Variants in FN1 observed in about 807,000 individuals in gnomAD.
FN1 encodes the protein fibronectin 1.
A neutral mutation model predicts 297.3 loss-of-function variants in FN1; 106 were observed. The observed-to-expected ratio is 0.36, with a 90% confidence interval of 0.30 to 0.42. The LOEUF is 0.42. Ranked by LOEUF, FN1 falls within the 10% of genes least tolerant of loss-of-function variation. FN1 has a pLI of 1.00. For synonymous variants in FN1, 1,149 were observed against 1,152.6 expected (o/e 1.00, Z 0.06); for missense variants, 2,690 against 3,124.9 (o/e 0.86, Z 3.32).
chr2:215,370,541 AAAAAAC>A (rs1418329485), intron 40 of FN1, 109 bp from the exon 41 acceptor site: 1 of 462,068 alleles, frequency 2.2e-6, no homozygotes, highest in South Asian at 3.7e-5. Context: ...AAAGGAAGAC[AAAAAAC>A]AAAAAACAAA....
intron 13 of FN1, 37 bp from the exon 14 acceptor site, chr2:215,410,151 A>AC: frequency 7.2e-6 from 10 of 1,395,622 alleles, no homozygotes; most frequent in Non-Finnish European, 9.7e-6. Flanking sequence ...ACACACACAC[A>AC]CGTGTTTACA....
At chr2:215,366,777 C>T (rs1236346639) in intron 42 of FN1, among the ~76,000 whole-genome samples, 6 of 152,214 alleles carry the variant, frequency 3.9e-5, no homozygotes, top group African/African-American at 9.6e-5. Flanking sequence ...GACATCCCCG[C>T]TCCCACAATT....
chr2:215,392,039 T>TA, intron 25 of FN1: 1 of 530,194 alleles, frequency 1.9e-6, no homozygotes, highest in Non-Finnish European at 3.4e-6. Flanking sequence ...CCATCATTGA[T>TA]ATATTTAAAA....
At position 215,426,477 on chromosome 2, in the gene FN1, T is replaced by C. The variant is rs189775727; in HGVS notation, c.845-1192A>G. On this transcript the variant is annotated intron_variant, in intron 6 of 45. Coordinates refer to ENST00000354785, the MANE Select transcript of FN1 (RefSeq NM_212482.4). ...TTTTCTTTCAACTTTTAGATATCTGTTCTCTTGAAGGCCAGGGCCCACCGC... is the reference window on the plus strand; with the variant it reads ...TTTTCTTTCAACTTTTAGATATCTGCTCTCTTGAAGGCCAGGGCCCACCGC... Among the ~76,000 whole-genome samples the C allele has an allele frequency of 6.6e-5, 10 of 152,124 alleles. No homozygotes were observed. In the East Asian group the frequency reaches 1.9e-3, roughly 29 times the overall value.
At chr2:215,388,450 A>C in intron 26 of FN1, 149 bp from the exon 27 acceptor site, 3 of 703,206 alleles carry the variant, frequency 4.3e-6, no homozygotes, top group Non-Finnish European at 7.7e-6. Flanking sequence ...CGAAGTGTTC[A>C]GTGAACAGAC....
intron 42 of FN1, among the ~76,000 whole-genome samples, chr2:215,365,963 G>A (rs1051866736): frequency 1.6e-5 from 2 of 121,450 alleles, no homozygotes; most frequent in African/African-American, 3.1e-5. Context: ...TCCCCACAGT[G>A]CTATTTTTTT....
intron 2 of FN1, 78 bp downstream of exon 2, chr2:215,434,618 T>A (rs1280323646): frequency 1.3e-6 from 2 of 1,534,888 alleles, no homozygotes; most frequent in African/African-American, 2.7e-5. Flanking sequence ...GTATGTATTT[T>A]TACTTACTAA....
chr2:215,421,988 A>G (rs2064474199), intron 10 of FN1, 103 bp downstream of exon 10: 5 of 1,116,116 alleles, frequency 4.5e-6, no homozygotes, highest in East Asian at 4.7e-5. Context: ...GGCATTCCAT[A>G]TTTCTTCCCC....
At chr2:215,381,793 CCTCT>C (rs2058254884) in intron 32 of FN1, 1 of 292,526 alleles carries the variant, frequency 3.4e-6, no homozygotes, top group South Asian at 3.4e-5. Flanking sequence ...CTTCTTTTCC[CCTCT>C]CTATTAAGCA....
intron 24 of FN1, chr2:215,393,511 T>C (rs1404899401): frequency 6.4e-6 from 1 of 155,670 alleles, no homozygotes; most frequent in Admixed American, 6.5e-5. Flanking sequence ...AAAAATCATA[T>C]GGCTGTTTAG....
intron 8 of FN1, 111 bp from the exon 9 acceptor site, chr2:215,423,637 G>T: frequency 3.3e-6 from 3 of 922,648 alleles, no homozygotes; most frequent in Non-Finnish European, 5.2e-6. Context: ...TTCACAGACA[G>T]TCTATCTCAG....
At chr2:215,397,881 A>T in intron 21 of FN1, 33 bp from the exon 22 acceptor site, 1 of 1,605,670 alleles carries the variant, frequency 6.2e-7, no homozygotes, top group Non-Finnish European at 8.5e-7. Flanking sequence ...AACACCAAGG[A>T]CAAATATTTC....
At chr2:215,377,049 TG>T (rs2057396709) in intron 35 of FN1, among the ~76,000 whole-genome samples, 2 of 138,742 alleles carry the variant, frequency 1.4e-5, no homozygotes, top group South Asian at 2.5e-4. Flanking sequence ...TTTGTGTGTG[TG>T]TGTGTGTATG....
intron 6 of FN1, among the ~76,000 whole-genome samples, chr2:215,427,619 G>C (rs749136575): frequency 6.6e-6 from 1 of 152,056 alleles, no homozygotes; most frequent in Non-Finnish European, 1.5e-5. Flanking sequence ...AAATAATTGT[G>C]TGTTACTTTA....
At chr2:215,423,283 A>C in intron 9 of FN1, 67 bp downstream of exon 9, 1 of 1,527,684 alleles carries the variant, frequency 6.5e-7, no homozygotes, top group Non-Finnish European at 9.1e-7. Context: ...TAAACTGGAC[A>C]CTAGTCTTTA....
intron 12 of FN1, among the ~76,000 whole-genome samples, chr2:215,418,189 G>A (rs1440075671): frequency 2.0e-5 from 3 of 152,182 alleles, no homozygotes; most frequent in Non-Finnish European, 4.4e-5. Flanking sequence ...AGCACTGACA[G>A]TGTCTGAGGG....
intron 41 of FN1, 145 bp from the exon 42 acceptor site, chr2:215,368,172 A>G: frequency 1.1e-6 from 1 of 876,170 alleles, no homozygotes; most frequent in Non-Finnish European, 1.8e-6. Context: ...TGTTCTATCA[A>G]GGCATTAACT....
At chr2:215,428,417 A>G (rs2065884065) in intron 5 of FN1, 79 bp from the exon 6 acceptor site, 3 of 1,242,460 alleles carry the variant, frequency 2.4e-6, no homozygotes, top group Non-Finnish European at 1.2e-6. Flanking sequence ...AAGGAATGCT[A>G]TCTATGCCTG....
Position 215,362,003 on chromosome 2 carries a change from T to G in FN1, c.7328A>C (p.Gln2443Pro), listed in dbSNP as rs1225517685. ...PEGTTGQSYNQYSQRYHQRTN... is the reference protein window; with the variant it reads ...PEGTTGQSYNPYSQRYHQRTN... ...TCTCTGATGGTATCTCTGAGAATAC[T>G]GGTTGTAGGACTGGCCAGTAGTGCC... Residue 2443 changes from glutamine to proline, a missense_variant, in exon 45 of 46, where the codon CAG (glutamine) becomes CCG (proline). Physicochemically the swap from Gln to Pro is moderately conservative, Grantham distance 76 (BLOSUM62 -1). This residue lies in a region of FN1 where 1,743 missense variants were observed against 1,945.2 expected (regional missense o/e 0.90). Coordinates refer to ENST00000354785, the MANE Select transcript of FN1 (RefSeq NM_212482.4). 1 of 1,614,122 alleles carries G rather than the reference T, an allele frequency of 6.2e-7. No homozygotes were observed. The highest frequency in any genetic ancestry group is 8.5e-7 in the Non-Finnish European group (1 of 1,180,008).
Sources: gnomAD v4.1 joint callset for allele counts (sites outside exome capture counted in the v4.1 genomes callset) on GRCh38, gnomAD v4.1.1 for gene constraint, gnomAD v4.1.1 regional missense constraint, MANE v1.5 for transcripts, NCBI Gene and HGNC (gene_info 2026-07-23, HGNC 2026-07-21) for gene names.